Variants in ZBTB20 observed in about 807,000 individuals in gnomAD.
The protein encoded by ZBTB20 is zinc finger and BTB domain containing 20, also known as zinc finger and BTB domain-containing protein 20.
A neutral mutation model predicts 56.9 loss-of-function variants in ZBTB20; 9 were observed. That is an observed-to-expected ratio of 0.16 (90% CI 0.10 to 0.28). ZBTB20 has a LOEUF of 0.28. ZBTB20 is among the 10% of genes least tolerant of loss of function. ZBTB20 has a pLI of 1.00. For synonymous variants in ZBTB20, 417 were observed against 420.7 expected, an observed-to-expected ratio of 0.99 and a Z score of 0.11; for missense variants, 655 against 1,003.0, an observed-to-expected ratio of 0.65 and a Z score of 4.69.
chr3:114,907,373 T>C (rs929577465), intron 3 of ZBTB20, among the ~76,000 whole-genome samples: 19 of 151,902 alleles, frequency 1.3e-4, no homozygotes, highest in Non-Finnish European at 2.5e-4. Context: ...GTCAGCTCCC[T>C]CATTAAAATT....
intron 4 of ZBTB20, among the ~76,000 whole-genome samples, chr3:114,891,405 A>AT (rs2076802530): frequency 6.6e-6 from 1 of 152,230 alleles, no homozygotes; most frequent in South Asian, 2.1e-4. Context: ...CTCAAGTATC[A>AT]TAAGATTCTT....
At chr3:114,657,526 A>G (rs2060482271) in intron 6 of ZBTB20, among the ~76,000 whole-genome samples, 1 of 152,200 alleles carries the variant, frequency 6.6e-6, no homozygotes, top group Non-Finnish European at 1.5e-5. Flanking sequence ...GGTAACTTAT[A>G]TGTAGATTCA....
intron 6 of ZBTB20, among the ~76,000 whole-genome samples, chr3:114,643,749 G>C (rs9841454): frequency 0.17 from 25,411 of 152,006 alleles, 3,121 homozygotes; most frequent in African/African-American, 0.34. Context: ...GTTGATCTTT[G>C]AGTGTAACAG....
chr3:114,394,017 T>C (rs2086120216), intron 7 of ZBTB20, among the ~76,000 whole-genome samples: 1 of 152,192 alleles, frequency 6.6e-6, no homozygotes, highest in African/African-American at 2.4e-5. Context: ...GTCCCAGTCC[T>C]AGGAAATCAC....
intron 3 of ZBTB20, among the ~76,000 whole-genome samples, chr3:114,954,126 G>T (rs1445818777): frequency 2.0e-5 from 3 of 152,018 alleles, no homozygotes; most frequent in Non-Finnish European, 4.4e-5. Flanking sequence ...TATGAAACAG[G>T]CTTGTTACTT....
intron 1 of ZBTB20, among the ~76,000 whole-genome samples, chr3:115,076,174 T>G (rs1214891778): frequency 6.6e-6 from 1 of 152,292 alleles, no homozygotes; most frequent in South Asian, 2.1e-4. Flanking sequence ...AAAATGTCCA[T>G]ACCCAAAGTG....
At position 114,753,361 on chromosome 3, in the gene ZBTB20, A is replaced by AC. The variant is rs372723817; in HGVS notation, c.-343+47739_-343+47740insG. Among the ~76,000 whole-genome samples, 193 of 144,848 alleles carry AC rather than the reference A, an allele frequency of 1.3e-3. 50 individuals are homozygous for AC. The highest frequency in any genetic ancestry group is 1.4e-3 in the African/African-American group (55 of 39,334). On this transcript the variant is annotated intron_variant, in intron 5 of 11. Coordinates refer to ENST00000675478, the MANE Select transcript of ZBTB20 (RefSeq NM_001348800.3). The stretch of plus-strand genomic sequence containing the variant: ...ATGTATATATGTATACATTATATAT[A>AC]ATGTATATATAATGTATATACACAT...
chr3:114,440,522 G>T (rs2090842720), intron 7 of ZBTB20, among the ~76,000 whole-genome samples: 2 of 152,072 alleles, frequency 1.3e-5, no homozygotes, highest in Non-Finnish European at 1.5e-5. Context: ...TCTCCTCTGA[G>T]ATTATTATAA....
At chr3:114,572,861 A>G (rs1318654720) in intron 6 of ZBTB20, among the ~76,000 whole-genome samples, 1 of 152,194 alleles carries the variant, frequency 6.6e-6, no homozygotes, top group Non-Finnish European at 1.5e-5. Context: ...ATTCTTACAC[A>G]GAGCAACCGA....
chr3:115,009,432 A>C (rs2079607751), intron 2 of ZBTB20, among the ~76,000 whole-genome samples: 1 of 151,912 alleles, frequency 6.6e-6, no homozygotes, highest in African/African-American at 2.4e-5. Context: ...ATGCTTTCTC[A>C]TCCCCTTTCA....
intron 1 of ZBTB20, among the ~76,000 whole-genome samples, chr3:115,092,838 A>C (rs1361313723): frequency 1.3e-5 from 2 of 152,186 alleles, no homozygotes; most frequent in Non-Finnish European, 2.9e-5. Flanking sequence ...TATGATATGT[A>C]GTTAAGCTAA....
intron 7 of ZBTB20, among the ~76,000 whole-genome samples, chr3:114,422,841 A>G (rs1284496316): frequency 1.3e-5 from 2 of 152,138 alleles, no homozygotes; most frequent in East Asian, 1.9e-4. Context: ...ATGAAATTAT[A>G]TCATAAGCTA....
intron 5 of ZBTB20, among the ~76,000 whole-genome samples, chr3:114,783,538 G>A (rs1478591368): frequency 6.6e-6 from 1 of 152,122 alleles, no homozygotes; most frequent in Non-Finnish European, 1.5e-5. Context: ...GCTCATGCCT[G>A]TAATCCCAGC....
chr3:114,431,867 T>G (rs2090147749), intron 7 of ZBTB20, among the ~76,000 whole-genome samples: 1 of 152,178 alleles, frequency 6.6e-6, no homozygotes, highest in Non-Finnish European at 1.5e-5. Context: ...CAAAGATTTG[T>G]CCATGTTGGA....
rs1176168874 is a variant in ZBTB20 at position 114,337,188 on chromosome 3, CT to C, written c.*1816del. 3 of 152,126 alleles carry C rather than the reference CT, an allele frequency of 2.0e-5. No homozygotes were observed. Among genetic ancestry groups the C allele is most frequent in the Non-Finnish European group, 2.9e-5 (2 of 68,032 alleles). The allele number at this position is 152,126 out of a possible 1,614,324, so 9.4% of individuals were successfully genotyped here. ...TAAAGAATGATCATCTTATTCAGCC[CT>C]CTTAACCATGGTGGAAACAGTCAGA... On this transcript the variant is annotated 3_prime_UTR_variant, in exon 12 of 12. Transcript: ENST00000675478.
chr3:114,914,989 T>C (rs2075686386), intron 3 of ZBTB20, among the ~76,000 whole-genome samples: 1 of 151,926 alleles, frequency 6.6e-6, no homozygotes, highest in Non-Finnish European at 1.5e-5. Flanking sequence ...GATTTTTACA[T>C]CAATGTTCAT....
rs566908370 is a variant in ZBTB20, at chr3:114,726,798, G to A, written c.-342-33223C>T. Among the ~76,000 whole-genome samples the A allele has an allele frequency of 3.5e-4, 53 of 151,030 alleles. 1 individual carries two copies. In the East Asian group the frequency reaches 5.9e-3, roughly 17 times the overall value. On this transcript the variant is annotated intron_variant, in intron 5 of 11. Coordinates refer to ENST00000675478, the MANE Select transcript of ZBTB20 (RefSeq NM_001348800.3). Reference sequence around the variant, plus strand: ...ATGGTGGCAGGCACCTGTAGTCCCCGCTGCTCAGGAGGCTGAGGCAGGATA... The same window carrying A: ...ATGGTGGCAGGCACCTGTAGTCCCCACTGCTCAGGAGGCTGAGGCAGGATA...
rs1560065861 is a variant in ZBTB20, at chr3:114,326,858, C to T, written c.*12147G>A. 1 of 152,164 alleles carries T rather than the reference C, an allele frequency of 6.6e-6. No homozygotes were observed. The highest frequency in any genetic ancestry group is 1.5e-5 in the Non-Finnish European group (1 of 68,020). The allele number at this position is 152,164 out of a possible 1,614,324, so 9.4% of individuals were successfully genotyped here. On this transcript the variant is annotated 3_prime_UTR_variant, in exon 12 of 12. Transcript: ENST00000675478. ...AGAAAATAAACTTGTTTGCTACCAG[C>T]CTCAATCTCAGAACATTTCCTAAGC...
intron 6 of ZBTB20, among the ~76,000 whole-genome samples, chr3:114,657,907 C>T (rs1293236372): frequency 6.6e-6 from 1 of 151,938 alleles, no homozygotes; most frequent in Admixed American, 6.6e-5. Flanking sequence ...ACAAGTTACT[C>T]CTTTATTACC....
Sources: gnomAD v4.1 joint callset for allele counts (sites outside exome capture counted in the v4.1 genomes callset) on GRCh38, gnomAD v4.1.1 for gene constraint, MANE v1.5 for transcripts, NCBI Gene and HGNC (gene_info 2026-07-23, HGNC 2026-07-21) for gene names.